Variants in MACROD2 observed in about 807,000 individuals in gnomAD.
MACROD2 encodes the protein ADP-ribose glycohydrolase MACROD2.
MACROD2 carries 36 observed loss-of-function variants against 70.4 expected under a neutral mutation model. The observed-to-expected ratio is 0.51, with a 90% CI of 0.39 to 0.68. The LOEUF (loss-of-function observed/expected upper bound fraction) is 0.68, where lower values mean the gene tolerates loss of function less well. MACROD2 is among the 30% of genes least tolerant of loss of function. The pLI, the probability that MACROD2 is intolerant of heterozygous loss-of-function variation, is 0.00. For synonymous variants in MACROD2, 172 were observed against 178.8 expected, an observed-to-expected ratio of 0.96 and a Z score of 0.30; for missense variants, 496 against 538.4, an observed-to-expected ratio of 0.92 and a Z score of 0.78.
In MACROD2 at chr20:14,855,557, T is replaced by G. The variant is rs150170127; in HGVS notation, c.418+170598T>G. ...AACCTTTCATACTTAATACAATAAG[T>G]CAATTGGGGAAGAATTCAGAATTTT... On this transcript the variant is annotated intron_variant, in intron 5 of 17. Transcript: ENST00000684519. Among the ~76,000 whole-genome samples, 133 of 148,044 alleles carry G rather than the reference T, an allele frequency of 9.0e-4. 1 individual carries two copies. Among genetic ancestry groups the G allele is most frequent in the African/African-American group, 3.0e-3 (123 of 40,442 alleles).
chr20:14,655,670 A>G (rs192800022), intron 4 of MACROD2, among the ~76,000 whole-genome samples: 2 of 152,284 alleles, frequency 1.3e-5, no homozygotes, highest in East Asian at 3.9e-4. Flanking sequence ...TTCTTAATGA[A>G]GCAGCATTTC....
intron 5 of MACROD2, among the ~76,000 whole-genome samples, chr20:15,223,610 T>C (rs2076880242): frequency 6.6e-6 from 1 of 152,250 alleles, no homozygotes; most frequent in Admixed American, 6.5e-5. Context: ...AGCAGTTGAC[T>C]GATTGAGATA....
intron 4 of MACROD2, among the ~76,000 whole-genome samples, chr20:14,555,010 A>T (rs1247311433): frequency 8.2e-6 from 1 of 121,582 alleles, no homozygotes; most frequent in East Asian, 3.7e-4. Context: ...TAGTGGTATA[A>T]AAAAAAACAG....
chr20:15,343,800 G>A (rs1041645972), intron 6 of MACROD2, among the ~76,000 whole-genome samples: 3 of 152,126 alleles, frequency 2.0e-5, no homozygotes, highest in Non-Finnish European at 4.4e-5. Flanking sequence ...GCCTGTCCAT[G>A]CATTTAGAGT....
At chr20:15,592,087 T>C (rs902621524) in intron 8 of MACROD2, among the ~76,000 whole-genome samples, 3 of 152,204 alleles carry the variant, frequency 2.0e-5, no homozygotes, top group Non-Finnish European at 2.9e-5. Flanking sequence ...GTTTAAAACC[T>C]GGCATTTGCT....
At chr20:14,458,614 T>C (rs1274076577) in intron 3 of MACROD2, among the ~76,000 whole-genome samples, 1 of 152,088 alleles carries the variant, frequency 6.6e-6, no homozygotes, top group Non-Finnish European at 1.5e-5. Context: ...TGTGGTGTAC[T>C]CTGAGAGGGC....
At chr20:14,696,268 C>T (rs938932154) in intron 5 of MACROD2, among the ~76,000 whole-genome samples, 8 of 152,152 alleles carry the variant, frequency 5.3e-5, no homozygotes, top group Admixed American at 2.6e-4. Flanking sequence ...CAAACCAAAA[C>T]ACACAACTGG....
chr20:15,476,129 T>A (rs1056943300), intron 7 of MACROD2, among the ~76,000 whole-genome samples: 3 of 152,226 alleles, frequency 2.0e-5, no homozygotes, highest in Non-Finnish European at 2.9e-5. Flanking sequence ...GATTTTTGAC[T>A]GATTTGGCAC....
chr20:15,825,423 T>C (rs557896024), intron 8 of MACROD2, among the ~76,000 whole-genome samples: 2 of 152,248 alleles, frequency 1.3e-5, no homozygotes, highest in Admixed American at 1.3e-4. Flanking sequence ...CTGACTTACA[T>C]TGAGACCCAT....
At chr20:14,440,755 G>T (rs2084111892) in intron 3 of MACROD2, among the ~76,000 whole-genome samples, 1 of 152,144 alleles carries the variant, frequency 6.6e-6, no homozygotes, top group Non-Finnish European at 1.5e-5. Context: ...AGCCTCAGGG[G>T]GCATTAATAC....
At chr20:15,601,554 T>A (rs983582182) in intron 8 of MACROD2, among the ~76,000 whole-genome samples, 2 of 152,196 alleles carry the variant, frequency 1.3e-5, no homozygotes, top group African/African-American at 4.8e-5. Context: ...CACTCACCCA[T>A]CCCAGGATAA....
chr20:14,297,013 T>C (rs1383683726), intron 3 of MACROD2, among the ~76,000 whole-genome samples: 1 of 151,852 alleles, frequency 6.6e-6, no homozygotes, highest in African/African-American at 2.4e-5. Context: ...TTCATTATTA[T>C]TATATCTCTT....
At chr20:15,342,839 A>T (rs2146209656) in intron 6 of MACROD2, among the ~76,000 whole-genome samples, 1 of 152,270 alleles carries the variant, frequency 6.6e-6, no homozygotes, top group East Asian at 1.9e-4. Flanking sequence ...ATTCTCTATC[A>T]CACACCCACC....
intron 3 of MACROD2, among the ~76,000 whole-genome samples, chr20:14,382,739 G>A (rs1040722253): frequency 1.3e-5 from 2 of 152,028 alleles, no homozygotes; most frequent in Non-Finnish European, 2.9e-5. Flanking sequence ...GTGACCTACC[G>A]ATTTGCCAAG....
chr20:14,310,354 A>G (rs1262521488), intron 3 of MACROD2, among the ~76,000 whole-genome samples: 2 of 151,992 alleles, frequency 1.3e-5, no homozygotes, highest in Admixed American at 6.6e-5. Flanking sequence ...AATTACAGTC[A>G]TGTGCTGCAT....
At chr20:15,128,587 T>C (rs189743830) in intron 5 of MACROD2, among the ~76,000 whole-genome samples, 53 of 152,172 alleles carry the variant, frequency 3.5e-4, no homozygotes, top group African/African-American at 1.2e-3. Flanking sequence ...AATTTTCCCC[T>C]AAAGAAATTC....
chr20:15,333,105 T>A (rs2423930), intron 6 of MACROD2, among the ~76,000 whole-genome samples: 32,441 of 151,366 alleles, frequency 0.21, 4,544 homozygotes, highest in East Asian at 0.46. Flanking sequence ...CAAAGCTATT[T>A]ACCTAGAGCA....
intron 5 of MACROD2, among the ~76,000 whole-genome samples, chr20:14,924,038 A>G (rs2074197836): frequency 6.6e-6 from 1 of 152,178 alleles, no homozygotes; most frequent in Non-Finnish European, 1.5e-5. Flanking sequence ...ATCTATTTTC[A>G]GCTGTTATAA....
intron 3 of MACROD2, among the ~76,000 whole-genome samples, chr20:14,227,278 A>C (rs1230548445): frequency 6.6e-6 from 1 of 152,128 alleles, no homozygotes; most frequent in African/African-American, 2.4e-5. Context: ...AGGCTGCCGG[A>C]GCCAGCAGTG....
Sources: gnomAD v4.1 joint callset for allele counts (sites outside exome capture counted in the v4.1 genomes callset) on GRCh38, gnomAD v4.1.1 for gene constraint, MANE v1.5 for transcripts, NCBI Gene and HGNC (gene_info 2026-07-23, HGNC 2026-07-21) for gene names.